The following KLF15 variants were observed in gnomAD, a reference collection of about 807,000 sequenced individuals.
KLF15 encodes Krueppel-like factor 15.
Under a neutral mutation model 24.6 loss-of-function variants are expected in KLF15, and 4 were observed. That is an observed-to-expected ratio of 0.16 (90% confidence interval 0.08 to 0.37). The LOEUF (loss-of-function observed/expected upper bound fraction) is 0.37, where lower values mean the gene tolerates loss of function less well. Among genes scored for constraint, KLF15 ranks in the 10% least tolerant of loss-of-function variants. The pLI, the probability that KLF15 is intolerant of heterozygous loss-of-function variation, is 1.00. For synonymous variants in KLF15, 246 were observed against 236.3 expected (o/e 1.04, Z -0.37); for missense variants, 496 against 560.6 (o/e 0.88, Z 1.16).
the KLF15 span, among the ~76,000 whole-genome samples, chr3:126,316,985 G>A: frequency 6.6e-6 from 1 of 152,154 alleles, no homozygotes; most frequent in Admixed American, 6.5e-5. Flanking sequence ...TTGACCTTGA[G>A]GGCAATGGAG....
chr3:126,293,090 G>A, the KLF15 span, among the ~76,000 whole-genome samples: 1 of 148,374 alleles, frequency 6.7e-6, no homozygotes, highest in Admixed American at 6.8e-5. Context: ...TGAGAGGATC[G>A]CTTAAGCCCA....
At chr3:126,340,845 T>C (rs35341158), downstream of KLF15, among the ~76,000 whole-genome samples, 20,627 of 152,162 alleles carry the variant, frequency 0.14, 1,604 homozygotes, top group African/African-American at 0.2. Context: ...CCAGGCACTG[T>C]AACAGACTCT....
At chr3:126,336,969 CT>C in the KLF15 span, among the ~76,000 whole-genome samples, 1 of 41,638 alleles carries the variant, frequency 2.4e-5, no homozygotes, top group East Asian at 5.6e-4. Flanking sequence ...CACTTTTACA[CT>C]GTTGGTGGGA....
At chr3:126,322,946 A>G in the KLF15 span, among the ~76,000 whole-genome samples, 4 of 152,054 alleles carry the variant, frequency 2.6e-5, no homozygotes, top group Middle Eastern at 3.4e-3. Context: ...GAAAATTTAA[A>G]TTGTGCCTGT....
At chr3:126,306,894 C>T in the KLF15 span, among the ~76,000 whole-genome samples, 80 of 152,306 alleles carry the variant, frequency 5.3e-4, 2 homozygotes, top group East Asian at 0.015. Flanking sequence ...GTGCCCCTTT[C>T]TCCACTCTCC....
At chr3:126,303,818 AT>A in the KLF15 span, among the ~76,000 whole-genome samples, 2 of 150,840 alleles carry the variant, frequency 1.3e-5, no homozygotes, top group African/African-American at 2.4e-5. Flanking sequence ...TTTATTTTAT[AT>A]TTTTTATCTC....
chr3:126,316,510 AT>A, the KLF15 span, among the ~76,000 whole-genome samples: 1 of 45,810 alleles, frequency 2.2e-5, no homozygotes, highest in African/African-American at 1.3e-4. Flanking sequence ...CTGGGAGTGC[AT>A]GAGCTGCAGT....
Position 126,356,165 on chromosome 3 carries a change from C to T in KLF15, c.-26+1072G>A, listed in dbSNP as rs185873087. Among the ~76,000 whole-genome samples the T allele has an allele frequency of 1.3e-3, 202 of 152,284 alleles. No individual in the cohort carries two copies. Among genetic ancestry groups the T allele is most frequent in the African/African-American group, 3.9e-3 (162 of 41,558 alleles). On this transcript the variant is annotated intron_variant, in intron 1 of 2. Coordinates refer to ENST00000296233, the MANE Select transcript of KLF15 (RefSeq NM_014079.4). The surrounding 1 kb of genome is among the most constrained non-coding windows in gnomAD (Gnocchi z 4.4). ...GTCAGCGTGCAAATCACGGGGGTGGCGGCGGGGGCTGTCCTTCAAAATAAG... is the reference window on the plus strand; with the variant it reads ...GTCAGCGTGCAAATCACGGGGGTGGTGGCGGGGGCTGTCCTTCAAAATAAG...
At chr3:126,323,495 T>C in the KLF15 span, among the ~76,000 whole-genome samples, 1 of 134,832 alleles carries the variant, frequency 7.4e-6, no homozygotes, top group African/African-American at 2.8e-5. Flanking sequence ...ATAACATATA[T>C]ATATATAACT....
chr3:126,349,116 A>T (rs2082560672), intron 2 of KLF15, among the ~76,000 whole-genome samples: 1 of 152,056 alleles, frequency 6.6e-6, no homozygotes, highest in African/African-American at 2.4e-5. Context: ...GACTATCACC[A>T]CATTAAGAGA....
chr3:126,342,943 A>G lies in KLF15; in HGVS notation c.*784T>C, dbSNP rs1187025799. 6.6e-6 allele frequency: 1 copy of G among 152,362 alleles called. No homozygotes were observed. The highest frequency in any genetic ancestry group is 1.5e-5 in the Non-Finnish European group (1 of 67,956). 9.4% of individuals were successfully genotyped at this position (152,362 alleles called of 1,614,324 possible). On this transcript the variant is annotated 3_prime_UTR_variant, in exon 3 of 3. Coordinates refer to ENST00000296233, the MANE Select transcript of KLF15 (RefSeq NM_014079.4). ...GGCTCTATCTAGTTCTCTCACACCC[A>G]GGACAGCCTGGCCCTCTCCTCCCAA...
chr3:126,314,862 G>T, the KLF15 span, among the ~76,000 whole-genome samples: 2 of 152,202 alleles, frequency 1.3e-5, no homozygotes, highest in Admixed American at 1.3e-4. Flanking sequence ...GGACCCCAAG[G>T]CCATCTTTTT....
At chr3:126,307,774 C>T in the KLF15 span, among the ~76,000 whole-genome samples, 10 of 152,304 alleles carry the variant, frequency 6.6e-5, no homozygotes, top group East Asian at 1.7e-3. Flanking sequence ...GGAGCCATCC[C>T]CTCGGCCTGG....
At chr3:126,315,606 G>A in the KLF15 span, among the ~76,000 whole-genome samples, 99 of 152,268 alleles carry the variant, frequency 6.5e-4, no homozygotes, top group African/African-American at 2.2e-3. Context: ...GGCAGGCTCC[G>A]AGGGCCAGCA....
the KLF15 span, among the ~76,000 whole-genome samples, chr3:126,305,035 CCA>C: frequency 6.6e-6 from 1 of 152,140 alleles, no homozygotes; most frequent in African/African-American, 2.4e-5. Context: ...CCTGCAACTT[CCA>C]GAGTGTGTTA....
At chr3:126,338,256 C>T (rs1351661190), downstream of KLF15, among the ~76,000 whole-genome samples, 1 of 152,206 alleles carries the variant, frequency 6.6e-6, no homozygotes, top group African/African-American at 2.4e-5. Context: ...CTGTGTGGCA[C>T]CAGGGTGTCC....
chr3:126,295,924 A>G, the KLF15 span, among the ~76,000 whole-genome samples: 2 of 151,992 alleles, frequency 1.3e-5, no homozygotes, highest in South Asian at 4.2e-4. Flanking sequence ...GTCATTTCCC[A>G]TCCACTGACC....
chr3:126,301,681 C>T, the KLF15 span, among the ~76,000 whole-genome samples: 2 of 144,090 alleles, frequency 1.4e-5, no homozygotes, highest in Non-Finnish European at 3.0e-5. Context: ...ATGGCGCCTT[C>T]TCAGTTCACG....
intron 1 of KLF15, 145 bp from the exon 2 acceptor site, chr3:126,353,092 G>A (rs1233638722): frequency 9.4e-6 from 9 of 961,858 alleles, no homozygotes; most frequent in Non-Finnish European, 1.3e-5. Flanking sequence ...CAGGAGAGCT[G>A]TGCCTGCAAG....
Sources: allele counts gnomAD v4.1 joint callset (sites outside exome capture counted in the v4.1 genomes callset), GRCh38; gene constraint gnomAD v4.1.1; non-coding constraint Gnocchi (gnomAD v3.1); transcripts MANE v1.5; gene names NCBI Gene and HGNC (gene_info 2026-07-23, HGNC 2026-07-21).